NXPH1: variants seen among roughly 807,000 people sequenced by gnomAD.
NXPH1 encodes neurexophilin-1.
NXPH1 carries 5 observed loss-of-function variants against 23.7 expected under a neutral mutation model. That is an observed-to-expected ratio of 0.21 (90% CI 0.11 to 0.44). NXPH1 has a LOEUF of 0.44. NXPH1 is among the 20% of genes least tolerant of loss of function. The pLI, the probability that NXPH1 is intolerant of heterozygous loss-of-function variation, is 0.99. For synonymous variants in NXPH1, 144 were observed against 122.2 expected (o/e 1.18, Z -1.18); for missense variants, 324 against 321.6 (o/e 1.01, Z -0.06).
intron 2 of NXPH1, among the ~76,000 whole-genome samples, chr7:8,450,558 A>C (rs1816490003): frequency 6.6e-6 from 1 of 152,240 alleles, no homozygotes; most frequent in Middle Eastern, 3.2e-3. Flanking sequence ...ATAAAAGTAG[A>C]TCCAAGACAC....
Position 8,752,360 on chromosome 7 carries a change from T to C in NXPH1, c.*591T>C, listed in dbSNP as rs1355544264. On this transcript the variant is annotated 3_prime_UTR_variant, in exon 3 of 3. Transcript: ENST00000405863. Reference sequence around the variant, plus strand: ...ACACAACAAAATGTAGTAACTTTTTTCCAGCATACAGTAGGCACATTCAAA... The same window carrying C: ...ACACAACAAAATGTAGTAACTTTTTCCCAGCATACAGTAGGCACATTCAAA... 6.5e-6 allele frequency: 1 copy of C among 152,958 alleles called. No homozygotes were observed. Among genetic ancestry groups the C allele is most frequent in the Non-Finnish European group, 1.5e-5 (1 of 68,316 alleles). 9.5% of individuals were successfully genotyped at this position (152,958 alleles called of 1,614,324 possible).
intron 2 of NXPH1, among the ~76,000 whole-genome samples, chr7:8,574,805 G>A (rs1818721489): frequency 6.6e-6 from 1 of 152,148 alleles, no homozygotes; most frequent in Admixed American, 6.5e-5. Flanking sequence ...CTCAAATAGA[G>A]TTTCTCTGGC....
intron 2 of NXPH1, among the ~76,000 whole-genome samples, chr7:8,748,966 AAAG>A (rs1351175354): frequency 1.3e-5 from 2 of 152,200 alleles, no homozygotes; most frequent in African/African-American, 2.4e-5. Context: ...CTTGGCTTGA[AAAG>A]AAGGTTTACA....
chr7:8,582,117 C>A (rs1818888835), intron 2 of NXPH1, among the ~76,000 whole-genome samples: 1 of 152,192 alleles, frequency 6.6e-6, no homozygotes, highest in Non-Finnish European at 1.5e-5. Context: ...GTTGCTGGAT[C>A]AGATGTACTG....
chr7:8,719,317 G>T (rs949545920), intron 2 of NXPH1, among the ~76,000 whole-genome samples: 43 of 152,276 alleles, frequency 2.8e-4, no homozygotes, highest in African/African-American at 1.0e-3. Flanking sequence ...TGCTCCAAGA[G>T]CTGATGATGG....
chr7:8,542,491 G>C (rs945586378), intron 2 of NXPH1, among the ~76,000 whole-genome samples: 1 of 151,524 alleles, frequency 6.6e-6, no homozygotes, highest in Non-Finnish European at 1.5e-5. Flanking sequence ...TGCAGGTATA[G>C]AAAACTCTAT....
chr7:8,604,492 A>G (rs945077007), intron 2 of NXPH1, among the ~76,000 whole-genome samples: 4 of 152,082 alleles, frequency 2.6e-5, no homozygotes, highest in African/African-American at 4.8e-5. Context: ...TCTTTGTTAC[A>G]TAGTAGATTG....
intron 2 of NXPH1, among the ~76,000 whole-genome samples, chr7:8,626,613 A>G (rs939897239): frequency 6.6e-5 from 10 of 152,028 alleles, no homozygotes; most frequent in African/African-American, 2.2e-4. Flanking sequence ...CTAATATTAC[A>G]CTGAAGTCAG....
intron 2 of NXPH1, among the ~76,000 whole-genome samples, chr7:8,598,160 T>C (rs1332243187): frequency 6.6e-6 from 1 of 152,086 alleles, no homozygotes; most frequent in East Asian, 1.9e-4. Context: ...CATATTGAGG[T>C]CAATTATGAG....
chr7:8,482,140 G>C (rs1025865726), intron 2 of NXPH1, among the ~76,000 whole-genome samples: 1 of 152,190 alleles, frequency 6.6e-6, no homozygotes, highest in African/African-American at 2.4e-5. Flanking sequence ...TTTCTCACCA[G>C]TTTGCTTCAC....
At chr7:8,684,615 C>T (rs1432518591) in intron 2 of NXPH1, among the ~76,000 whole-genome samples, 1 of 152,168 alleles carries the variant, frequency 6.6e-6, no homozygotes, top group African/African-American at 2.4e-5. Context: ...AGAACAGTAA[C>T]TGCAAGAAGA....
chr7:8,619,656 A>C (rs1394483288), intron 2 of NXPH1, among the ~76,000 whole-genome samples: 1 of 152,218 alleles, frequency 6.6e-6, no homozygotes, highest in African/African-American at 2.4e-5. Context: ...AGTATGAGAA[A>C]GTATTACAGA....
At chr7:8,496,410 T>C (rs1327913246) in intron 2 of NXPH1, among the ~76,000 whole-genome samples, 1 of 152,076 alleles carries the variant, frequency 6.6e-6, no homozygotes. Flanking sequence ...ATGAATATCA[T>C]AATCTTGACA....
chr7:8,743,559 A>C (rs570259244), intron 2 of NXPH1, among the ~76,000 whole-genome samples: 11 of 152,286 alleles, frequency 7.2e-5, no homozygotes, highest in South Asian at 6.2e-4. Flanking sequence ...AAGATAATGT[A>C]TTGGCATTAT....
At chr7:8,591,504 T>G (rs1819092699) in intron 2 of NXPH1, among the ~76,000 whole-genome samples, 1 of 152,068 alleles carries the variant, frequency 6.6e-6, no homozygotes, top group Admixed American at 6.6e-5. Flanking sequence ...TTTGAAGTTT[T>G]ATCATGCTTT....
intron 2 of NXPH1, among the ~76,000 whole-genome samples, chr7:8,698,253 A>T (rs986824676): frequency 2.0e-5 from 3 of 152,156 alleles, no homozygotes; most frequent in African/African-American, 7.2e-5. Context: ...TAATAAACCT[A>T]TTTTCAATTC....
intron 2 of NXPH1, among the ~76,000 whole-genome samples, chr7:8,557,082 A>G (rs1049298631): frequency 6.6e-6 from 1 of 151,728 alleles, no homozygotes; most frequent in Non-Finnish European, 1.5e-5. Flanking sequence ...AGAATGAGAC[A>G]TTGTAATGTA....
chr7:8,536,495 T>C (rs1226435245), intron 2 of NXPH1, among the ~76,000 whole-genome samples: 1 of 152,020 alleles, frequency 6.6e-6, no homozygotes, highest in Non-Finnish European at 1.5e-5. Flanking sequence ...GTAGTTTGCC[T>C]AGTTAACTGG....
intron 2 of NXPH1, among the ~76,000 whole-genome samples, chr7:8,489,880 TG>T (rs1817220604): frequency 6.6e-6 from 1 of 152,126 alleles, no homozygotes; most frequent in African/African-American, 2.4e-5. Flanking sequence ...ATAGCTTTGC[TG>T]GGTCATGTTT....
Sources: gnomAD v4.1 joint callset for allele counts (sites outside exome capture counted in the v4.1 genomes callset) on GRCh38, gnomAD v4.1.1 for gene constraint, MANE v1.5 for transcripts, NCBI Gene and HGNC (gene_info 2026-07-23, HGNC 2026-07-21) for gene names.